The following KMT5A variants were observed in gnomAD, a reference collection of about 807,000 sequenced individuals.
KMT5A encodes the protein lysine methyltransferase 5A.
KMT5A carries 6 observed loss-of-function variants against 40.6 expected under a neutral mutation model. The ratio of observed to expected loss-of-function variants is 0.15; its 90% CI spans 0.08 to 0.29. KMT5A has a LOEUF of 0.29. Among genes scored for constraint, KMT5A ranks in the 10% least tolerant of loss-of-function variants. The probability of loss-of-function intolerance (pLI) is 1.00; values close to 1 mark genes in which losing one functional copy is unlikely to be tolerated. For synonymous variants in KMT5A, 153 were observed against 178.8 expected, an observed-to-expected ratio of 0.86 and a Z score of 1.15; for missense variants, 308 against 459.1, an observed-to-expected ratio of 0.67 and a Z score of 3.01.
At chr12:123,385,967 G>A (rs1057340813) in intron 1 of KMT5A, among the ~76,000 whole-genome samples, 3 of 152,112 alleles carry the variant, frequency 2.0e-5, no homozygotes, top group Non-Finnish European at 2.9e-5. Flanking sequence ...AAGAGGAAGC[G>A]TGAAGTCCAA....
chr12:123,388,877 C>T (rs1295825654), intron 1 of KMT5A: 4 of 147,956 alleles, frequency 2.7e-5, no homozygotes, highest in Non-Finnish European at 6.0e-5. Context: ...CGCCCGCCCG[C>T]CCTCCGGAGC....
At chr12:123,402,338 G>A (rs1274771592) in intron 5 of KMT5A, among the ~76,000 whole-genome samples, 1 of 152,228 alleles carries the variant, frequency 6.6e-6, no homozygotes, top group Non-Finnish European at 1.5e-5. Context: ...TGGAGAGGAG[G>A]TGGCAGGATT....
chr12:123,407,607 C>A lies in KMT5A; in HGVS notation c.963C>A (p.Ile321=). The change falls in exon 8 of 8, where the codon ATC becomes ATA. Residue 321 remains isoleucine (I), a synonymous_variant. Transcript: ENST00000402868. ...ACGGCGTACCTCACCTCATCCTCAT[C>A]GCCTCCCGAGACATCGCGGCTGGGG... is the stretch of plus-strand genomic sequence containing the variant. ...DIDGVPHLIL[I]ASRDIAAGEE... is the part of the protein sequence containing the mutation. 1 of 1,613,918 alleles carries A rather than the reference C, an allele frequency of 6.2e-7. No individual in the cohort carries two copies. The highest frequency in any genetic ancestry group is 1.1e-5 in the South Asian group (1 of 91,064).
intron 5 of KMT5A, among the ~76,000 whole-genome samples, chr12:123,401,500 ATTTATG>A (rs1878176096): frequency 6.6e-6 from 1 of 151,540 alleles, no homozygotes; most frequent in African/African-American, 2.4e-5. Context: ...ATTTTAGTCC[ATTTATG>A]TTTAAGGTTA....
chr12:123,390,550 C>T (rs1396204742), intron 2 of KMT5A, 80 bp from the exon 3 acceptor site: 5 of 1,528,362 alleles, frequency 3.3e-6, no homozygotes, highest in Admixed American at 2.0e-5. Flanking sequence ...TGATTTTCAT[C>T]TTTTGTATTC....
chr12:123,407,394 A>T, intron 7 of KMT5A, 99 bp from the exon 8 acceptor site: 1 of 1,150,488 alleles, frequency 8.7e-7, no homozygotes, highest in Non-Finnish European at 1.3e-6. Context: ...ACATGGCTTT[A>T]AATCAGCATC....
chr12:123,406,628 A>T (rs932643352), intron 7 of KMT5A, among the ~76,000 whole-genome samples: 7 of 151,896 alleles, frequency 4.6e-5, no homozygotes, highest in African/African-American at 7.3e-5. Context: ...TGATTTTTTT[A>T]ATCCATTTAT....
At chr12:123,396,021 C>CT (rs1179687407) in intron 4 of KMT5A, among the ~76,000 whole-genome samples, 3 of 152,066 alleles carry the variant, frequency 2.0e-5, no homozygotes, top group Non-Finnish European at 4.4e-5. Context: ...AATTTCTTTC[C>CT]TTTTTTTAGA....
chr12:123,397,599 T>C (rs1877829427), intron 5 of KMT5A, among the ~76,000 whole-genome samples: 1 of 151,976 alleles, frequency 6.6e-6, no homozygotes. Context: ...AAAAAGGCAA[T>C]GTCTTTCAGC....
Position 123,408,489 on chromosome 12 carries a change from T to A in KMT5A, c.*786T>A, listed in dbSNP as rs878883405. 7.7e-5 allele frequency: 11 copies of A among 143,264 alleles called. No individual in the cohort carries two copies. Among genetic ancestry groups the A allele is most frequent in the African/African-American group, 1.4e-4 (5 of 36,848 alleles). The allele number at this position is 143,264 out of a possible 1,614,324, so 8.9% of individuals were successfully genotyped here. ...ATTTTAAAAAATAATAATAAAAATT[T>A]AAAAAAATTAAAAATAAAAAAAACC... is the stretch of plus-strand genomic sequence containing the variant. On this transcript the variant is annotated 3_prime_UTR_variant, in exon 8 of 8. Transcript: ENST00000402868.
At chr12:123,393,516 G>A (rs146874808) in intron 3 of KMT5A, among the ~76,000 whole-genome samples, 105 of 152,050 alleles carry the variant, frequency 6.9e-4, no homozygotes, top group Non-Finnish European at 1.2e-3. Flanking sequence ...GTTCATCCGC[G>A]GTGTAATAAG....
intron 5 of KMT5A, 45 bp downstream of exon 5, chr12:123,396,477 C>T: frequency 6.3e-7 from 1 of 1,583,736 alleles, no homozygotes; most frequent in Non-Finnish European, 8.7e-7. Flanking sequence ...GGCAGGGTGG[C>T]CCACCAAGCA....
Position 123,386,365 on chromosome 12 carries a change from G to T in KMT5A, c.10+2157G>T, listed in dbSNP as rs564631792. 1.8e-4 allele frequency among the ~76,000 whole-genome samples: 28 copies of T among 152,058 alleles called. No individual in the cohort carries two copies. The East Asian group carries it at 4.6e-3, about 25-fold the overall frequency. On this transcript the variant is annotated intron_variant, in intron 1 of 7. Coordinates refer to ENST00000402868, the MANE Select transcript of KMT5A (RefSeq NM_020382.7). ...CAAGTAGCTGGGATTACAGGCACCTGTCACCACACCCAGCTAATTTTTGTA... is the reference window on the plus strand; with the variant it reads ...CAAGTAGCTGGGATTACAGGCACCTTTCACCACACCCAGCTAATTTTTGTA...
At chr12:123,388,477 T>G (rs1877002109) in intron 1 of KMT5A, 2 of 152,280 alleles carry the variant, frequency 1.3e-5, no homozygotes, top group African/African-American at 4.8e-5. Context: ...CTTCTGGGTT[T>G]GACACCTGGC....
chr12:123,406,876 T>C (rs537474442), intron 7 of KMT5A, among the ~76,000 whole-genome samples: 1 of 151,888 alleles, frequency 6.6e-6, no homozygotes, highest in Non-Finnish European at 1.5e-5. Flanking sequence ...AAAATTAGCC[T>C]GGCATGGTGG....
At chr12:123,405,860 C>T (rs920733240) in intron 7 of KMT5A, among the ~76,000 whole-genome samples, 3 of 150,464 alleles carry the variant, frequency 2.0e-5, no homozygotes, top group African/African-American at 7.3e-5. Flanking sequence ...CGTTCTGTCA[C>T]CCAGGCTGGA....
intron 7 of KMT5A, among the ~76,000 whole-genome samples, 181 bp from the exon 8 acceptor site, chr12:123,407,312 C>T (rs1004000292): frequency 1.3e-5 from 2 of 152,134 alleles, no homozygotes; most frequent in Non-Finnish European, 2.9e-5. Context: ...GCACTCCAGC[C>T]TGGGTTACGG....
chr12:123,407,343 G>A (rs1360667030), intron 7 of KMT5A, 150 bp from the exon 8 acceptor site: 2 of 844,216 alleles, frequency 2.4e-6, no homozygotes, highest in Non-Finnish European at 3.7e-6. Flanking sequence ...CCTCTAAAAA[G>A]GAAAAAGAAA....
chr12:123,384,153 A>G lies in KMT5A; in HGVS notation c.-46A>G. The G allele has an allele frequency of 1.2e-6, 2 of 1,612,228 alleles. No individual in the cohort carries two copies. Among genetic ancestry groups the G allele is most frequent in the Non-Finnish European group, 1.7e-6 (2 of 1,179,128 alleles). ...GGCTGAGTTGTTGCAACTTTTTTCG[A>G]AAGCTGGGTTTCCCGGGAGATCCCA... On this transcript the variant is annotated 5_prime_UTR_variant, in exon 1 of 8. Coordinates refer to ENST00000402868, the MANE Select transcript of KMT5A (RefSeq NM_020382.7). This position sits in a 1 kb window ranked among gnomAD's most constrained non-coding sequence, Gnocchi z 5.7.
Sources: gnomAD v4.1 joint callset for allele counts (sites outside exome capture counted in the v4.1 genomes callset) on GRCh38, gnomAD v4.1.1 for gene constraint, Gnocchi (gnomAD v3.1) non-coding constraint, MANE v1.5 for transcripts, NCBI Gene and HGNC (gene_info 2026-07-23, HGNC 2026-07-21) for gene names.